The following JPH3 variants were observed in gnomAD, a reference collection of about 807,000 sequenced individuals.
JPH3 encodes the protein junctophilin-3.
JPH3 carries 11 observed loss-of-function variants against 59.6 expected under a neutral mutation model. The ratio of observed to expected loss-of-function variants is 0.18; its 90% CI spans 0.12 to 0.31. The LOEUF (loss-of-function observed/expected upper bound fraction) is 0.31. Among genes scored for constraint, JPH3 ranks in the 10% least tolerant of loss-of-function variants. The pLI is 1.00. For synonymous variants in JPH3, 673 were observed against 483.6 expected (o/e 1.39, Z -5.14); for missense variants, 1,202 against 1,105.7 (o/e 1.09, Z -1.24).
At chr16:87,675,499 C>T (rs1013992672) in intron 2 of JPH3, among the ~76,000 whole-genome samples, 2 of 152,204 alleles carry the variant, frequency 1.3e-5, no homozygotes, top group African/African-American at 4.8e-5. Context: ...GGTAAGCGGG[C>T]AGATGAGCCC....
At chr16:87,663,050 A>G (rs1193061864) in intron 2 of JPH3, among the ~76,000 whole-genome samples, 1 of 152,100 alleles carries the variant, frequency 6.6e-6, no homozygotes, top group Non-Finnish European at 1.5e-5. Flanking sequence ...TGGCAGGATA[A>G]GTCGGCAAGT....
Position 87,665,042 on chromosome 16 carries a change from C to G in JPH3, c.1161-19100C>G, listed in dbSNP as rs530836787. On this transcript the variant is annotated intron_variant, in intron 2 of 4. Transcript: ENST00000284262. ...TCCCGTTTGACAAATGGTCGGTGCT[C>G]CTTGAACGGATAAACAGGAACCATC... 6.6e-5 allele frequency among the ~76,000 whole-genome samples: 10 copies of G among 152,370 alleles called. No individual in the cohort carries two copies. The South Asian group carries it at 1.9e-3, about 28-fold the overall frequency.
intron 2 of JPH3, among the ~76,000 whole-genome samples, chr16:87,667,592 T>G (rs2032903690): frequency 6.6e-6 from 1 of 152,144 alleles, no homozygotes; most frequent in Non-Finnish European, 1.5e-5. Context: ...GGCCTGGCAT[T>G]GGGACACCTG....
At chr16:87,622,047 A>G (rs946778590) in intron 1 of JPH3, among the ~76,000 whole-genome samples, 6 of 151,844 alleles carry the variant, frequency 4.0e-5, no homozygotes, top group Admixed American at 3.9e-4. Context: ...GTTCTGGGAG[A>G]TGGTTTATAT....
At chr16:87,677,227 A>ACAC (rs1567610816) in intron 2 of JPH3, among the ~76,000 whole-genome samples, 5,574 of 98,796 alleles carry the variant, frequency 0.056, 238 homozygotes, top group Middle Eastern at 0.11. Flanking sequence ...CACACACACA[A>ACAC]AAAAAAAAAT....
chr16:87,677,208 A>ACACACACACACACACACC (rs2033168142), intron 2 of JPH3, among the ~76,000 whole-genome samples: 1 of 120,736 alleles, frequency 8.3e-6, no homozygotes. Context: ...ACACACACAC[A>ACACACACACACACACACC]CACACACACA....
intron 2 of JPH3, among the ~76,000 whole-genome samples, chr16:87,659,626 A>C (rs2032637044): frequency 6.6e-6 from 1 of 151,984 alleles, no homozygotes; most frequent in Non-Finnish European, 1.5e-5. Flanking sequence ...CCAGTTACTC[A>C]GGAGGTTGAG....
intron 1 of JPH3, among the ~76,000 whole-genome samples, chr16:87,627,910 A>G (rs2031436477): frequency 1.3e-5 from 2 of 152,226 alleles, no homozygotes; most frequent in African/African-American, 4.8e-5. Context: ...AGGGGTTTCC[A>G]CTAACCCTGC....
rs145953098 is a variant in JPH3, at chr16:87,687,660, G to T, written c.1286-1986G>T. Among the ~76,000 whole-genome samples, 610 of 152,322 alleles carry T rather than the reference G, an allele frequency of 4.0e-3. 1 individual carries two copies. The highest frequency in any genetic ancestry group is 0.014 in the African/African-American group (583 of 41,572). On this transcript the variant is annotated intron_variant, in intron 3 of 4. Transcript: ENST00000284262. ...AGCTGCAGGGGCTTCACGAGGACCC[G>T]CCCTGCATCCTCACCACGAGGCTTC...
chr16:87,652,479 T>C (rs759001847), intron 2 of JPH3, among the ~76,000 whole-genome samples: 1 of 152,272 alleles, frequency 6.6e-6, no homozygotes, highest in Non-Finnish European at 1.5e-5. Flanking sequence ...TTTTTTCTTT[T>C]TCGTGACAGG....
Position 87,689,680 on chromosome 16 carries a change from C to T in JPH3, c.1320C>T (p.Ser440=). Residue 440 remains serine (S), a synonymous_variant, in exon 4 of 5, where the codon TCC becomes TCT. Coordinates refer to ENST00000284262, the MANE Select transcript of JPH3 (RefSeq NM_020655.4). The stretch of plus-strand genomic sequence containing the variant: ...ACCAGAGGCCGAAGCGTCAGACCTC[C>T]TGTGACGACATCGAGGTGCTGTCCA... ...LEYQRPKRQT[S]CDDIEVLSTG... The T allele has an allele frequency of 1.9e-6, 3 of 1,612,378 alleles. No individual in the cohort carries two copies. Among genetic ancestry groups the T allele is most frequent in the Non-Finnish European group, 2.5e-6 (3 of 1,179,742 alleles).
chr16:87,613,472 G>A (rs936688640), intron 1 of JPH3, among the ~76,000 whole-genome samples: 9 of 151,584 alleles, frequency 5.9e-5, no homozygotes, highest in African/African-American at 1.2e-4. Context: ...AGGTGCCCAC[G>A]ACCATGCCTG....
intron 1 of JPH3, among the ~76,000 whole-genome samples, chr16:87,613,200 C>T (rs1379410858): frequency 1.3e-5 from 2 of 150,200 alleles, no homozygotes; most frequent in Non-Finnish European, 3.0e-5. Context: ...GGATTCACGC[C>T]ATTCTCCTGC....
chr16:87,695,975 C>G, intron 4 of JPH3: 1 of 456,004 alleles, frequency 2.2e-6, no homozygotes, highest in Non-Finnish European at 4.4e-6. Context: ...GCATTCAGGA[C>G]CATAACCTAA....
Position 87,644,487 on chromosome 16 carries a change from C to G in JPH3, c.612C>G (p.Ser204=). 1 of 1,612,924 alleles carries G rather than the reference C, an allele frequency of 6.2e-7. No homozygotes were observed. Among genetic ancestry groups the G allele is most frequent in the African/African-American group, 1.3e-5 (1 of 75,058 alleles). ...TCGTGCTCGTGGCCCACAGTGACTCCGAGATCCTCAAGAGCAAGAAGAAGG... is the reference window on the plus strand; with the variant it reads ...TCGTGCTCGTGGCCCACAGTGACTCGGAGATCCTCAAGAGCAAGAAGAAGG... ...GGFVLVAHSD[S]EILKSKKKGL... is the part of the protein sequence containing the mutation. Residue 204 remains serine (S), a synonymous_variant, in exon 2 of 5, where the codon TCC becomes TCG. Coordinates refer to ENST00000284262, the MANE Select transcript of JPH3 (RefSeq NM_020655.4).
chr16:87,682,918 T>G (rs972013278), intron 2 of JPH3, among the ~76,000 whole-genome samples: 3 of 152,352 alleles, frequency 2.0e-5, no homozygotes, highest in African/African-American at 7.2e-5. Context: ...CATTCTGCCT[T>G]CGGGACGTCT....
chr16:87,625,815 G>A (rs969449673), intron 1 of JPH3, among the ~76,000 whole-genome samples: 5 of 152,128 alleles, frequency 3.3e-5, no homozygotes, highest in Non-Finnish European at 4.4e-5. Flanking sequence ...GTGCAGGGAC[G>A]GGAGAACCGC....
At chr16:87,638,251 G>A (rs977499140) in intron 1 of JPH3, among the ~76,000 whole-genome samples, 1 of 152,102 alleles carries the variant, frequency 6.6e-6, no homozygotes, top group Non-Finnish European at 1.5e-5. Context: ...AATGAGATGG[G>A]GTCTCACTAT....
chr16:87,644,720 C>T lies in JPH3; in HGVS notation c.845C>T (p.Ala282Val). 1 of 1,612,050 alleles carries T rather than the reference C, an allele frequency of 6.2e-7. No individual in the cohort carries two copies. The highest frequency in any genetic ancestry group is 1.3e-5 in the African/African-American group (1 of 74,838). Residue 282 changes from alanine to valine, a missense_variant, in exon 2 of 5, where the codon GCC becomes GTC. Coordinates refer to ENST00000284262, the MANE Select transcript of JPH3 (RefSeq NM_020655.4). Reference sequence around the variant, plus strand: ...GCGGTCATCGAGGACGACATCGACGCCACCACCACCGAGACCTACGTGGGC... The same window carrying T: ...GCGGTCATCGAGGACGACATCGACGTCACCACCACCGAGACCTACGTGGGC... The part of the protein sequence containing the change: ...ELAVIEDDID[A>V]TTTETYVGEW...
Sources: allele counts gnomAD v4.1 joint callset (sites outside exome capture counted in the v4.1 genomes callset), GRCh38; gene constraint gnomAD v4.1.1; transcripts MANE v1.5; gene names NCBI Gene and HGNC (gene_info 2026-07-23, HGNC 2026-07-21).